Variants in NXN observed in about 807,000 individuals in gnomAD.
NXN encodes the protein nucleoredoxin 1.
In NXN, 16 loss-of-function variants were observed where a neutral mutation model predicts 48.6. That is an observed-to-expected ratio of 0.33 (90% CI 0.22 to 0.50). The LOEUF (loss-of-function observed/expected upper bound fraction) is 0.50, where lower values mean the gene tolerates loss of function less well. Ranked by LOEUF, NXN falls within the 20% of genes least tolerant of loss-of-function variation. The probability of loss-of-function intolerance (pLI) is 0.98; values close to 1 mark genes in which losing one functional copy is unlikely to be tolerated. For synonymous variants in NXN, 281 were observed against 269.6 expected (o/e 1.04, Z -0.41); for missense variants, 492 against 605.5 (o/e 0.81, Z 1.97).
intron 1 of NXN, among the ~76,000 whole-genome samples, chr17:915,081 C>T (rs888509889): frequency 1.3e-5 from 2 of 151,084 alleles, no homozygotes; most frequent in East Asian, 2.0e-4. Flanking sequence ...AATACAGGCA[C>T]CCGCCACAAC....
chr17:894,991 T>G (rs2068460997), intron 1 of NXN, among the ~76,000 whole-genome samples: 1 of 138,930 alleles, frequency 7.2e-6, no homozygotes, highest in Non-Finnish European at 1.5e-5. Flanking sequence ...CTTTCACCCT[T>G]TCCTTTTTTT....
intron 1 of NXN, among the ~76,000 whole-genome samples, chr17:925,686 G>T (rs889349123): frequency 6.6e-6 from 1 of 152,334 alleles, no homozygotes; most frequent in Admixed American, 6.5e-5. Context: ...ACTGTGCCCA[G>T]CTCCTGATCT....
intron 1 of NXN, among the ~76,000 whole-genome samples, chr17:841,903 G>A (rs575531828): frequency 6.1e-4 from 93 of 152,308 alleles, no homozygotes; most frequent in Non-Finnish European, 7.6e-4. Flanking sequence ...TTGGGAGGCC[G>A]AGGTGGGCGG....
intron 5 of NXN, among the ~76,000 whole-genome samples, chr17:809,840 CCAGTGCGAGCGGCGGGCACCTTACGAGT>C (rs1911808507): frequency 1.0e-5 from 1 of 98,358 alleles, no homozygotes; most frequent in Non-Finnish European, 2.4e-5. Flanking sequence ...ACCTTACGAG[CCAGTGCGAGCGGCGGGCACCTTACGAGT>C]CAGTGTGAGT....
At chr17:852,771 G>C (rs1224576196) in intron 1 of NXN, among the ~76,000 whole-genome samples, 1 of 152,168 alleles carries the variant, frequency 6.6e-6, no homozygotes, top group African/African-American at 2.4e-5. Flanking sequence ...TTACAAAGGA[G>C]GCCTGGAGCT....
intron 1 of NXN, chr17:896,862 C>CCGGGGGG: frequency 1.7e-6 from 1 of 576,076 alleles, no homozygotes; most frequent in Non-Finnish European, 2.7e-6. Context: ...TGACCACCCG[C>CCGGGGGG]CCCCGGCCCC....
At chr17:953,549 T>A (rs1185849196) in intron 1 of NXN, among the ~76,000 whole-genome samples, 1 of 152,194 alleles carries the variant, frequency 6.6e-6, no homozygotes, top group African/African-American at 2.4e-5. Flanking sequence ...GCGCCCAGCA[T>A]AAACCTGTTA....
At chr17:835,200 C>T (rs28451633) in intron 1 of NXN, among the ~76,000 whole-genome samples, 8,888 of 150,484 alleles carry the variant, frequency 0.059, 388 homozygotes, top group East Asian at 0.21. Flanking sequence ...CCCAGCTACT[C>T]GGGAGGCTGA....
In NXN at chr17:871,009, C is replaced by T. The variant is rs556633604; in HGVS notation, c.361-44931G>A. ...GAGTAGCTCGGACTACAGGCGCCCG[C>T]CATCACGCCCAGCTAAATTTTTTTT... On this transcript the variant is annotated intron_variant, in intron 1 of 7. Coordinates refer to ENST00000336868, the MANE Select transcript of NXN (RefSeq NM_022463.5). 1.5e-3 allele frequency among the ~76,000 whole-genome samples: 225 copies of T among 152,112 alleles called. 1 individual carries two copies. The highest frequency in any genetic ancestry group is 4.9e-3 in the African/African-American group (203 of 41,504).
At chr17:952,226 ACGGT>A in intron 1 of NXN, among the ~76,000 whole-genome samples, 1 of 96,460 alleles carries the variant, frequency 1.0e-5, no homozygotes, top group Non-Finnish European at 2.2e-5. Context: ...GGTACCACGG[ACGGT>A]CACACTGTGG....
At chr17:855,696 A>G (rs1353461393) in intron 1 of NXN, among the ~76,000 whole-genome samples, 4 of 152,236 alleles carry the variant, frequency 2.6e-5, no homozygotes, top group African/African-American at 9.6e-5. Context: ...GCCATGGGAT[A>G]TGTAGAATAA....
intron 1 of NXN, chr17:842,554 G>A (rs575218670): frequency 2.7e-4 from 264 of 985,400 alleles, no homozygotes; most frequent in Admixed American, 4.3e-4. Flanking sequence ...AGGCACCTAC[G>A]GCACATCCCG....
intron 1 of NXN, among the ~76,000 whole-genome samples, chr17:881,993 A>G (rs1238144072): frequency 6.6e-6 from 1 of 151,362 alleles, no homozygotes; most frequent in Non-Finnish European, 1.5e-5. Context: ...GGGAGATGGA[A>G]ATGTTCTTGG....
At chr17:855,025 C>A (rs2067970845) in intron 1 of NXN, among the ~76,000 whole-genome samples, 1 of 152,034 alleles carries the variant, frequency 6.6e-6, no homozygotes, top group South Asian at 2.1e-4. Flanking sequence ...CCTATAACTA[C>A]AAGCACTTTG....
chr17:852,579 T>G (rs1439084442), intron 1 of NXN, among the ~76,000 whole-genome samples: 2 of 151,650 alleles, frequency 1.3e-5, no homozygotes, highest in Admixed American at 1.3e-4. Context: ...GAGCTCCGAG[T>G]TGGTGTTGGA....
intron 1 of NXN, chr17:863,863 G>T: frequency 9.4e-7 from 1 of 1,059,344 alleles, no homozygotes; most frequent in Non-Finnish European, 1.4e-6. Context: ...TGTCCTTCAG[G>T]GAAAAAACAT....
At chr17:881,609 C>G (rs552981908) in intron 1 of NXN, among the ~76,000 whole-genome samples, 4 of 152,232 alleles carry the variant, frequency 2.6e-5, no homozygotes, top group African/African-American at 9.6e-5. Flanking sequence ...AGAATTCTAC[C>G]GCTCAGGATT....
chr17:834,477 C>T (rs984027420), intron 1 of NXN, among the ~76,000 whole-genome samples: 3 of 151,910 alleles, frequency 2.0e-5, no homozygotes, highest in East Asian at 3.9e-4. Context: ...TGCAATGGTG[C>T]GATCTCAGCT....
intron 1 of NXN, among the ~76,000 whole-genome samples, chr17:878,667 GGAAGTTGGTGGACTCAT>G (rs1408294454): frequency 6.6e-6 from 1 of 152,026 alleles, no homozygotes; most frequent in African/African-American, 2.4e-5. Flanking sequence ...GGGTGAGACT[GGAAGTTGGTGGACTCAT>G]TAAGGGACTA....
Sources: gnomAD v4.1 joint callset for allele counts (sites outside exome capture counted in the v4.1 genomes callset) on GRCh38, gnomAD v4.1.1 for gene constraint, MANE v1.5 for transcripts, NCBI Gene and HGNC (gene_info 2026-07-23, HGNC 2026-07-21) for gene names.